Variants in NFILZ observed in about 807,000 individuals in gnomAD.
NFILZ encodes the protein NFIL3 like protein.
At position 8,678,156 on chromosome 19, in the gene NFILZ, T is replaced by C. The variant is rs1194049246; in HGVS notation, c.*521T>C. Among the ~76,000 whole-genome samples the C allele has an allele frequency of 1.2e-3, 7 of 5,662 alleles. No individual in the cohort carries two copies. The highest frequency in any genetic ancestry group is 5.7e-3 in the South Asian group (1 of 174). The allele number at this position is 5,662 out of a possible 152,430, so 3.7% of individuals were successfully genotyped here. ...ATCCATTCATCCACTTGTCCGTCCA[T>C]CCATCCATCCATCCATCCATCCATC... On this transcript the variant is annotated 3_prime_UTR_variant, in exon 6 of 6. Coordinates refer to ENST00000691075, the MANE Select transcript of NFILZ (RefSeq NM_001378600.1).
chr19:8,641,446 C>T (rs2042918891), intron 3 of NFILZ, among the ~76,000 whole-genome samples: 1 of 152,172 alleles, frequency 6.6e-6, no homozygotes, highest in African/African-American at 2.4e-5. Flanking sequence ...AAAATTCCTC[C>T]CACCCCAAAT....
intron 3 of NFILZ, among the ~76,000 whole-genome samples, chr19:8,643,129 T>C (rs1443981658): frequency 6.6e-6 from 1 of 152,080 alleles, no homozygotes; most frequent in African/African-American, 2.4e-5. Flanking sequence ...TGAAAATTTT[T>C]TGAAGAAATG....
chr19:8,645,244 C>T (rs1021970337), intron 3 of NFILZ, among the ~76,000 whole-genome samples: 67 of 152,132 alleles, frequency 4.4e-4, no homozygotes, highest in African/African-American at 1.5e-3. Flanking sequence ...AGTGATCCTC[C>T]CACCTCAGCC....
At chr19:8,637,048 T>C (rs1239878334) in intron 3 of NFILZ, among the ~76,000 whole-genome samples, 2 of 152,006 alleles carry the variant, frequency 1.3e-5, no homozygotes, top group Admixed American at 1.3e-4. Flanking sequence ...GAATCTTCAT[T>C]CTAACCAAAT....
In NFILZ at chr19:8,678,958, G is replaced by A. The variant is rs782633918; in HGVS notation, c.*1323G>A. Among the ~76,000 whole-genome samples, 2 of 152,188 alleles carry A rather than the reference G, an allele frequency of 1.3e-5. No individual in the cohort carries two copies. Among genetic ancestry groups the A allele is most frequent in the Non-Finnish European group, 2.9e-5 (2 of 68,032 alleles). On this transcript the variant is annotated 3_prime_UTR_variant, in exon 6 of 6. Transcript: ENST00000691075. ...ACATACTGAAGACCAGACTGAAGGA[G>A]GAGGTAACGTCTAGGGTGTCTGAAT...
intron 3 of NFILZ, among the ~76,000 whole-genome samples, chr19:8,668,157 GC>G (rs2043070844): frequency 6.6e-6 from 1 of 152,048 alleles, no homozygotes; most frequent in East Asian, 1.9e-4. Context: ...CACCATGTTG[GC>G]TAGGCTGGTC....
At chr19:8,648,048 C>A (rs1555747364) in intron 3 of NFILZ, among the ~76,000 whole-genome samples, 2 of 151,504 alleles carry the variant, frequency 1.3e-5, no homozygotes, top group African/African-American at 4.8e-5. Context: ...GTAGCGGGTG[C>A]CTGTAGTCCC....
At chr19:8,656,352 T>C (rs115037824) in intron 3 of NFILZ, among the ~76,000 whole-genome samples, 4,548 of 27,192 alleles carry the variant, frequency 0.17, 679 homozygotes, top group South Asian at 0.29. Context: ...AGCCCACCTC[T>C]TCCCTGAAGC....
intron 3 of NFILZ, among the ~76,000 whole-genome samples, chr19:8,647,790 C>T (rs1290696661): frequency 2.1e-4 from 14 of 66,210 alleles, no homozygotes; most frequent in South Asian, 4.4e-4. Context: ...CGCGCGCGCG[C>T]GCGCGCACAC....
At chr19:8,670,581 T>G (rs2043081945) in intron 3 of NFILZ, among the ~76,000 whole-genome samples, 1 of 152,208 alleles carries the variant, frequency 6.6e-6, no homozygotes, top group Non-Finnish European at 1.5e-5. Flanking sequence ...TCTGATTGGA[T>G]CCTCTCTTTC....
At chr19:8,656,370 C>T (rs879946068) in intron 3 of NFILZ, among the ~76,000 whole-genome samples, 4,829 of 60,182 alleles carry the variant, frequency 0.08, 61 homozygotes, top group South Asian at 0.13. Context: ...AGCCCACCTT[C>T]TCCCTGAAGC....
At chr19:8,663,787 T>TGTGTGTGTGTATGTAGG (rs2043048906) in intron 3 of NFILZ, among the ~76,000 whole-genome samples, 2 of 148,740 alleles carry the variant, frequency 1.3e-5, no homozygotes, top group Admixed American at 6.7e-5. Flanking sequence ...TGTGTGTTTG[T>TGTGTGTGTGTATGTAGG]TGTGGGGGGG....
rs2043125097 is a variant in NFILZ at position 8,678,132 on chromosome 19, TCCATTCATCCAC to T, written c.*498_*509del. On this transcript the variant is annotated 3_prime_UTR_variant, in exon 6 of 6. Coordinates refer to ENST00000691075, the MANE Select transcript of NFILZ (RefSeq NM_001378600.1). ...ATCCATCCATCCATCCATCCCTCCA[TCCATTCATCCAC>T]TTGTCCGTCCATCCATCCATCCATC... 6.9e-6 allele frequency among the ~76,000 whole-genome samples: 1 copy of T among 145,740 alleles called. No individual in the cohort carries two copies. The highest frequency in any genetic ancestry group is 1.5e-5 in the Non-Finnish European group (1 of 66,052).
chr19:8,674,281 T>C (rs1337555699), intron 3 of NFILZ, among the ~76,000 whole-genome samples: 1 of 152,222 alleles, frequency 6.6e-6, no homozygotes, highest in Non-Finnish European at 1.5e-5. Context: ...GCTGACTTAC[T>C]GTGTGATGTG....
chr19:8,656,339 TGAAG>T (rs2042996402), intron 3 of NFILZ, among the ~76,000 whole-genome samples: 15 of 30,796 alleles, frequency 4.9e-4, no homozygotes, highest in Admixed American at 1.6e-3. Context: ...CCCTTCTTCC[TGAAG>T]CCCACCTCTT....
intron 3 of NFILZ, among the ~76,000 whole-genome samples, chr19:8,644,473 T>G (rs1423277150): frequency 4.6e-5 from 7 of 151,996 alleles, no homozygotes; most frequent in African/African-American, 1.7e-4. Flanking sequence ...TCTATTAAAG[T>G]CAGTCTATGC....
chr19:8,656,694 A>G (rs1555748555), intron 3 of NFILZ, among the ~76,000 whole-genome samples: 1 of 152,210 alleles, frequency 6.6e-6, no homozygotes, highest in African/African-American at 2.4e-5. Flanking sequence ...TGCTAGGTGA[A>G]TGGAAGAGCA....
intron 3 of NFILZ, among the ~76,000 whole-genome samples, chr19:8,663,722 T>TTGTGTGTGTG (rs879983007): frequency 5.5e-4 from 6 of 10,814 alleles, no homozygotes; most frequent in African/African-American, 1.8e-3. Flanking sequence ...GTGTGTGTGT[T>TTGTGTGTGTG]TGTGTGTGTG....
chr19:8,658,151 G>A (rs1259157081), intron 3 of NFILZ, among the ~76,000 whole-genome samples: 1 of 152,216 alleles, frequency 6.6e-6, no homozygotes, highest in Non-Finnish European at 1.5e-5. Flanking sequence ...AGAGCAAGGA[G>A]GCCTGCGTGC....
Sources: allele counts gnomAD v4.1 joint callset (sites outside exome capture counted in the v4.1 genomes callset), GRCh38; gene constraint gnomAD v4.1.1; transcripts MANE v1.5; gene names NCBI Gene and HGNC (gene_info 2026-07-23, HGNC 2026-07-21).